NEXMIF: variants seen among roughly 807,000 people sequenced by gnomAD.
NEXMIF encodes XLMR protein related to neurite extension.
NEXMIF carries 8 observed loss-of-function variants against 62.1 expected under a neutral mutation model. That is an observed-to-expected ratio of 0.13 (90% CI 0.08 to 0.23). The LOEUF (loss-of-function observed/expected upper bound fraction) is 0.23. Ranked by LOEUF, NEXMIF falls within the 10% of genes least tolerant of loss-of-function variation. The probability of loss-of-function intolerance (pLI) is 1.00; values close to 1 mark genes in which losing one functional copy is unlikely to be tolerated. For missense variants in NEXMIF, 976 were observed against 1,113.3 expected (o/e 0.88, Z 1.75); for synonymous variants, 404 against 416.6 (o/e 0.97, Z 0.37).
intron 1 of NEXMIF, among the ~76,000 whole-genome samples, chrX:74,770,388 G>A (rs1411007491): frequency 3.6e-5 from 4 of 112,031 alleles, no homozygotes; most frequent in Non-Finnish European, 7.5e-5. Context: ...ACAGTGGGTA[G>A]AAAGCATTAC....
rs193094238 is a variant in NEXMIF at position 74,822,705 on chromosome X, C to T, written c.-47-77008G>A. Among the ~76,000 whole-genome samples the T allele has an allele frequency of 3.2e-4, 36 of 111,882 alleles. 1 individual carries two copies. Among genetic ancestry groups the T allele is most frequent in the Admixed American group, 2.8e-3 (30 of 10,539 alleles). ...ATGACAATGAGATACCACTTCATACCCACTATGATGGCTATTATAAAAAAG... is the reference window on the plus strand; with the variant it reads ...ATGACAATGAGATACCACTTCATACTCACTATGATGGCTATTATAAAAAAG... On this transcript the variant is annotated intron_variant, in intron 1 of 3. Transcript: ENST00000055682.
At chrX:74,811,139 AG>A (rs1191260936) in intron 1 of NEXMIF, among the ~76,000 whole-genome samples, 1 of 112,032 alleles carries the variant, frequency 8.9e-6, no homozygotes, top group Non-Finnish European at 1.9e-5. Context: ...AGGACTTCAA[AG>A]CCAGGCTTGT....
At chrX:74,860,201 G>T (rs5937308) in intron 1 of NEXMIF, among the ~76,000 whole-genome samples, 6 of 110,508 alleles carry the variant, frequency 5.4e-5, no homozygotes, top group Non-Finnish European at 9.5e-5. Flanking sequence ...TCAACAAGAG[G>T]ATATACCAAT....
chrX:74,808,220 A>G (rs1216321315), intron 1 of NEXMIF, among the ~76,000 whole-genome samples: 1 of 110,607 alleles, frequency 9.0e-6, no homozygotes, highest in Non-Finnish European at 1.9e-5. Flanking sequence ...CCTGGCCAAA[A>G]TGGTACAACC....
intron 1 of NEXMIF, among the ~76,000 whole-genome samples, chrX:74,915,868 T>C (rs1163009960): frequency 1.8e-5 from 2 of 111,280 alleles, no homozygotes; most frequent in African/African-American, 3.3e-5. Context: ...GAAATAAATA[T>C]AGCCCTGCCT....
chrX:74,741,520 A>AAGCCAAG lies in NEXMIF; in HGVS notation c.3036_3037insCTTGGCT (p.Ser1013LeufsTer5), dbSNP rs763439275. On this transcript the variant is annotated frameshift_variant, in exon 3 of 4. Transcript: ENST00000055682. LOFTEE classifies it high-confidence loss of function. ...TCATCATCGCCATCCTTTTCACAGG[A>AAGCCAAG]CTTCAAGCTTAAGGAGCAATAATTA... 8.3e-7 allele frequency: 1 copy of AAGCCAAG among 1,211,491 alleles called. No homozygotes were observed. Among genetic ancestry groups the AAGCCAAG allele is most frequent in the Non-Finnish European group, 1.1e-6 (1 of 895,362 alleles).
intron 1 of NEXMIF, among the ~76,000 whole-genome samples, chrX:74,804,293 A>G (rs1441751945): frequency 8.9e-6 from 1 of 112,428 alleles, no homozygotes; most frequent in East Asian, 2.8e-4. Flanking sequence ...GGTGCAAGAC[A>G]AAGTCTGCAT....
At chrX:74,759,866 A>G (rs1440476273) in intron 1 of NEXMIF, among the ~76,000 whole-genome samples, 1 of 111,872 alleles carries the variant, frequency 8.9e-6, no homozygotes, top group African/African-American at 3.3e-5. Flanking sequence ...TGCCTGGGCT[A>G]CTTGGGCTCT....
chrX:74,836,355 G>A (rs927450415), intron 1 of NEXMIF, among the ~76,000 whole-genome samples: 2 of 112,438 alleles, frequency 1.8e-5, no homozygotes, highest in Non-Finnish European at 3.8e-5. Flanking sequence ...TTCTCATACA[G>A]AAGGAGTTGT....
intron 1 of NEXMIF, among the ~76,000 whole-genome samples, chrX:74,889,122 T>C (rs1380637657): frequency 8.9e-6 from 1 of 111,952 alleles, no homozygotes; most frequent in African/African-American, 3.2e-5. Context: ...TTATTTCCGT[T>C]AATGCCCAGA....
chrX:74,782,583 G>T (rs1341680677), intron 1 of NEXMIF, among the ~76,000 whole-genome samples: 2 of 111,212 alleles, frequency 1.8e-5, no homozygotes, highest in Non-Finnish European at 3.8e-5. Context: ...TGGTTTTCAA[G>T]ACTTGCCCCA....
chrX:74,741,989 C>T lies in NEXMIF; in HGVS notation c.2568G>A (p.Gln856=). ...TQTEKSFVPL[Q]PTQDCVLTSS... ...AGGTGAGCACACAGTCCTGGGTAGG[C>T]TGGAGGGGTACAAATGATTTTTCGG... Residue 856 remains glutamine (Q), a synonymous_variant, in exon 3 of 4, where the codon CAG becomes CAA. Transcript: ENST00000055682. 8.3e-7 allele frequency: 1 copy of T among 1,211,337 alleles called. No homozygotes were observed.
chrX:74,878,244 G>T (rs751633696), intron 1 of NEXMIF, among the ~76,000 whole-genome samples: 2 of 109,720 alleles, frequency 1.8e-5, no homozygotes, highest in Non-Finnish European at 3.9e-5. Flanking sequence ...TGGAGTACCC[G>T]GCCGTGTGAG....
chrX:74,794,684 C>T (rs2080299796), intron 1 of NEXMIF, among the ~76,000 whole-genome samples: 1 of 111,978 alleles, frequency 8.9e-6, no homozygotes, highest in Middle Eastern at 4.6e-3. Context: ...CGTGGTGCGC[C>T]TTTTTTTAAG....
At chrX:74,803,440 C>T (rs992204619) in intron 1 of NEXMIF, among the ~76,000 whole-genome samples, 1 of 110,481 alleles carries the variant, frequency 9.1e-6, no homozygotes. Context: ...TGGTGGCAGG[C>T]GCCTGTAGTC....
intron 1 of NEXMIF, among the ~76,000 whole-genome samples, chrX:74,751,600 T>C (rs1447027425): frequency 9.5e-6 from 1 of 105,669 alleles, no homozygotes; most frequent in Non-Finnish European, 1.9e-5. Flanking sequence ...CTCGAGTAGC[T>C]GTGATTACAG....
At chrX:74,876,573 C>G (rs1366486558) in intron 1 of NEXMIF, among the ~76,000 whole-genome samples, 3 of 103,694 alleles carry the variant, frequency 2.9e-5, no homozygotes, top group African/African-American at 7.1e-5. Flanking sequence ...GTTGATCTGT[C>G]TAATGTTGAC....
At chrX:74,815,547 T>C (rs1442936129) in intron 1 of NEXMIF, among the ~76,000 whole-genome samples, 1 of 111,302 alleles carries the variant, frequency 9.0e-6, no homozygotes, top group Non-Finnish European at 1.9e-5. Flanking sequence ...CTCATTCCCC[T>C]ATTAAAAAAC....
At chrX:74,787,903 G>C (rs2080266218) in intron 1 of NEXMIF, among the ~76,000 whole-genome samples, 1 of 111,671 alleles carries the variant, frequency 9.0e-6, no homozygotes, top group Admixed American at 9.5e-5. Context: ...CTTTGAACCA[G>C]AGCAACTGCA....
Sources: gnomAD v4.1 joint callset for allele counts (sites outside exome capture counted in the v4.1 genomes callset) on GRCh38, gnomAD v4.1.1 for gene constraint, MANE v1.5 for transcripts, NCBI Gene and HGNC (gene_info 2026-07-23, HGNC 2026-07-21) for gene names.